The following EVC2 variants were observed in gnomAD, a reference collection of about 807,000 sequenced individuals.
EVC2 encodes limbin.
In EVC2, 148 loss-of-function variants were observed where a neutral mutation model predicts 149.3. The ratio of observed to expected loss-of-function variants is 0.99; its 90% CI spans 0.87 to 1.14. The LOEUF (loss-of-function observed/expected upper bound fraction) is 1.14. EVC2 is among the 50% of genes most tolerant of loss of function. The probability of loss-of-function intolerance (pLI) is 0.00; values close to 1 mark genes in which losing one functional copy is unlikely to be tolerated. For missense variants in EVC2, 1,854 were observed against 1,627.3 expected (o/e 1.14, Z -2.40); for synonymous variants, 776 against 649.9 (o/e 1.19, Z -2.95).
At chr4:5,700,979 C>G (rs1355789831) in intron 1 of EVC2, among the ~76,000 whole-genome samples, 1 of 152,216 alleles carries the variant, frequency 6.6e-6, no homozygotes, top group Non-Finnish European at 1.5e-5. Context: ...TCTGATAGTT[C>G]TAGAAGTCAG....
chr4:5,595,384 A>G (rs1195965378), intron 16 of EVC2, among the ~76,000 whole-genome samples: 6 of 152,246 alleles, frequency 3.9e-5, no homozygotes, highest in Admixed American at 2.6e-4. Context: ...CAGAAACTCT[A>G]CAAGCCAGAA....
intron 15 of EVC2, among the ~76,000 whole-genome samples, chr4:5,616,153 A>G (rs907448667): frequency 3.3e-5 from 5 of 152,104 alleles, no homozygotes; most frequent in Non-Finnish European, 7.4e-5. Flanking sequence ...GATTTACACC[A>G]TGGAAATGGG....
rs1553811857 is a variant in EVC2 at position 5,563,112 on chromosome 4, TA to T, written c.3662del (p.Ile1221AsnfsTer2). The T allele has an allele frequency of 6.2e-7, 1 of 1,612,906 alleles. No individual in the cohort carries two copies. The highest frequency in any genetic ancestry group is 8.5e-7 in the Non-Finnish European group (1 of 1,179,620). ...MLWARKRKQS[I>X]LKKTCLPLRE... The stretch of plus-strand genomic sequence containing the variant: ...TGAGAGGGAGACATGTCTTCTTTAA[TA>T]TGCTAAAGAAATAGCAAAAGATCAA... On this transcript the variant is annotated frameshift_variant and splice_region_variant, in exon 22 of 22. Coordinates refer to ENST00000344408, the MANE Select transcript of EVC2 (RefSeq NM_147127.5). LOFTEE classifies it low-confidence loss of function (END_TRUNC).
chr4:5,647,942 G>T (rs1717843734), intron 9 of EVC2, among the ~76,000 whole-genome samples: 2 of 152,322 alleles, frequency 1.3e-5, no homozygotes, highest in Admixed American at 6.5e-5. Context: ...AGAAGAAGGG[G>T]TCCCAAGTCA....
At chr4:5,660,919 C>T (rs1228890763) in intron 9 of EVC2, among the ~76,000 whole-genome samples, 1 of 152,278 alleles carries the variant, frequency 6.6e-6, no homozygotes, top group Middle Eastern at 3.4e-3. Context: ...CTATCAAACA[C>T]TGAAAATAAG....
At position 5,628,691 on chromosome 4, in the gene EVC2, CT is replaced by C; in HGVS notation, c.1753del (p.Arg585GlyfsTer4). The C allele has an allele frequency of 6.2e-7, 1 of 1,613,734 alleles. No individual in the cohort carries two copies. The highest frequency in any genetic ancestry group is 1.1e-5 in the South Asian group (1 of 91,056). On this transcript the variant is annotated frameshift_variant, in exon 12 of 22. Coordinates refer to ENST00000344408, the MANE Select transcript of EVC2 (RefSeq NM_147127.5). LOFTEE classifies it high-confidence loss of function. Reference protein sequence around the residue: ...ELMDFFQASKRYHLSKRFGHR... With the variant: ...ELMDFFQASKXYHLSKRFGHR... ...GCCAAATCTTTTACTTAGATGATACCTCTTACTAGCCTGGAAAAAGTCCATT... is the reference window on the plus strand; with the variant it reads ...GCCAAATCTTTTACTTAGATGATACCCTTACTAGCCTGGAAAAAGTCCATT...
chr4:5,560,398 G>A (rs951258997), downstream of EVC2, among the ~76,000 whole-genome samples: 1 of 152,162 alleles, frequency 6.6e-6, no homozygotes, highest in Admixed American at 6.5e-5. The surrounding 1 kb of genome is among the most constrained non-coding windows in gnomAD (Gnocchi z 4.1). Flanking sequence ...GGAAGCTTAC[G>A]ATCATGGCAG....
intron 1 of EVC2, among the ~76,000 whole-genome samples, chr4:5,700,636 G>A (rs777518598): frequency 5.3e-5 from 8 of 152,158 alleles, no homozygotes; most frequent in Non-Finnish European, 8.8e-5. Context: ...GCTGGTTTCT[G>A]GGCATCTCTG....
At chr4:5,603,036 C>A (rs1714118053) in intron 16 of EVC2, among the ~76,000 whole-genome samples, 1 of 152,098 alleles carries the variant, frequency 6.6e-6, no homozygotes, top group South Asian at 2.1e-4. Flanking sequence ...TAAAAGAAGG[C>A]ATGCGTATGT....
chr4:5,615,603 C>G, intron 15 of EVC2, 59 bp from the exon 16 acceptor site: 1 of 1,613,066 alleles, frequency 6.2e-7, no homozygotes, highest in Non-Finnish European at 8.5e-7. Context: ...GTCCATGCAG[C>G]TCCCCCGAGG....
At chr4:5,663,008 A>T (rs1391729980) in intron 9 of EVC2, 99 bp downstream of exon 9, 12 of 1,486,606 alleles carry the variant, frequency 8.1e-6, no homozygotes, top group African/African-American at 1.4e-5. Context: ...ACAAATGATT[A>T]ACTGAATGAA....
chr4:5,607,419 A>G (rs1004458707), intron 16 of EVC2, among the ~76,000 whole-genome samples: 1 of 152,212 alleles, frequency 6.6e-6, no homozygotes, highest in African/African-American at 2.4e-5. Flanking sequence ...TCTAAAATAT[A>G]TATGCCCTCC....
intron 17 of EVC2, 119 bp downstream of exon 17, chr4:5,584,504 C>G: frequency 5.7e-6 from 6 of 1,054,578 alleles, no homozygotes; most frequent in Non-Finnish European, 8.5e-6. Flanking sequence ...TAATCCTCAC[C>G]ACAACCCCAC....
intron 15 of EVC2, 118 bp from the exon 16 acceptor site, chr4:5,615,662 C>T (rs1252035177): frequency 1.4e-6 from 2 of 1,443,624 alleles, no homozygotes; most frequent in African/African-American, 2.8e-5. Context: ...CTGCAAAACT[C>T]TGCCTTAGGC....
rs1218979753 is a variant in EVC2, at chr4:5,584,786, TG to T, written c.2893del (p.Gln965SerfsTer14). 2 of 1,614,052 alleles carry T rather than the reference TG, an allele frequency of 1.2e-6. No homozygotes were observed. Among genetic ancestry groups the T allele is most frequent in the African/African-American group, 2.7e-5 (2 of 74,920 alleles). ...CTGGAACTGCAGAGCAACAAGCGACTGTGCAAAGCCTCCCTCCTGTGCCTCC... is the reference window on the plus strand; with the variant it reads ...CTGGAACTGCAGAGCAACAAGCGACTTGCAAAGCCTCCCTCCTGTGCCTCC... The part of the protein sequence containing the change: ...RMEAQEGGFA[Q>X]SLVALQFQKA... On this transcript the variant is annotated frameshift_variant, in exon 17 of 22. Coordinates refer to ENST00000344408, the MANE Select transcript of EVC2 (RefSeq NM_147127.5). LOFTEE classifies it high-confidence loss of function.
chr4:5,568,520 A>G lies in EVC2; in HGVS notation c.3481T>C (p.Ser1161Pro). The G allele has an allele frequency of 1.9e-6, 3 of 1,583,448 alleles. No individual in the cohort carries two copies. Among genetic ancestry groups the G allele is most frequent in the Non-Finnish European group, 2.6e-6 (3 of 1,171,410 alleles). ...TGGTCCACATGTCTCTCGGTGGCCGAATCCAGCAGGGCCAGCAGCTGAGGC... is the reference window on the plus strand; with the variant it reads ...TGGTCCACATGTCTCTCGGTGGCCGGATCCAGCAGGGCCAGCAGCTGAGGC... ...SQPQLLALLD[S>P]ATERHVDHAA... Residue 1161 changes from serine (S) to proline (P), a missense_variant, in exon 20 of 22, where the codon TCG (serine) becomes CCG (proline). Ser to Pro is a moderately conservative substitution (Grantham distance 74, BLOSUM62 -1). Coordinates refer to ENST00000344408, the MANE Select transcript of EVC2 (RefSeq NM_147127.5).
At chr4:5,556,619 A>C (rs1721845361) in intron 21 of EVC2, among the ~76,000 whole-genome samples, 1 of 152,202 alleles carries the variant, frequency 6.6e-6, no homozygotes, top group Admixed American at 6.5e-5. Flanking sequence ...AATGAAAACA[A>C]TAGAAAACAT....
chr4:5,589,156 T>C (rs1560144000), intron 16 of EVC2, among the ~76,000 whole-genome samples: 1 of 152,272 alleles, frequency 6.6e-6, no homozygotes, highest in Non-Finnish European at 1.5e-5. Flanking sequence ...TGAGATGCAG[T>C]TAAGCTACTT....
At chr4:5,705,871 G>A (rs1162705377) in intron 1 of EVC2, among the ~76,000 whole-genome samples, 2 of 152,018 alleles carry the variant, frequency 1.3e-5, no homozygotes, top group Non-Finnish European at 2.9e-5. Context: ...GAACCACTGG[G>A]GAATAAAATG....
Sources: gnomAD v4.1 joint callset for allele counts (sites outside exome capture counted in the v4.1 genomes callset) on GRCh38, gnomAD v4.1.1 for gene constraint, Gnocchi (gnomAD v3.1) non-coding constraint, MANE v1.5 for transcripts, NCBI Gene and HGNC (gene_info 2026-07-23, HGNC 2026-07-21) for gene names.